Variants in HDX observed in about 807,000 individuals in gnomAD.
HDX encodes chromosome X open reading frame 43.
Under a neutral mutation model 45.2 loss-of-function variants are expected in HDX, and 19 were observed. The observed-to-expected ratio is 0.42, with a 90% confidence interval of 0.29 to 0.62. The LOEUF is 0.62. Ranked by LOEUF, HDX falls within the 20% of genes least tolerant of loss-of-function variation. The probability of loss-of-function intolerance (pLI) is 0.20; values close to 1 mark genes in which losing one functional copy is unlikely to be tolerated. For synonymous variants in HDX, 188 were observed against 172.8 expected (o/e 1.09, Z -0.69); for missense variants, 532 against 493.9 (o/e 1.08, Z -0.73).
chrX:84,374,631 C>G (rs375308206), intron 5 of HDX, among the ~76,000 whole-genome samples: 1 of 105,004 alleles, frequency 9.5e-6, no homozygotes, highest in Non-Finnish European at 1.9e-5. Flanking sequence ...CTGAGAAAAA[C>G]AAGCAATGGG....
chrX:84,419,484 A>G (rs2039197353), intron 5 of HDX, among the ~76,000 whole-genome samples: 1 of 111,980 alleles, frequency 8.9e-6, no homozygotes, highest in African/African-American at 3.2e-5. Flanking sequence ...GAAGAACTGC[A>G]TCTTGGTGTC....
intron 6 of HDX, among the ~76,000 whole-genome samples, chrX:84,352,591 G>T (rs1334977823): frequency 9.0e-6 from 1 of 111,206 alleles, no homozygotes; most frequent in East Asian, 2.8e-4. Flanking sequence ...GGAACACTGG[G>T]TATTCATCCC....
At chrX:84,413,013 T>C (rs2039022738) in intron 5 of HDX, among the ~76,000 whole-genome samples, 1 of 111,907 alleles carries the variant, frequency 8.9e-6, no homozygotes, top group African/African-American at 3.2e-5. Flanking sequence ...TTTGGTTCTT[T>C]CTTAAAATGG....
At chrX:84,387,519 A>G (rs2038346592) in intron 5 of HDX, among the ~76,000 whole-genome samples, 1 of 112,093 alleles carries the variant, frequency 8.9e-6, no homozygotes, top group African/African-American at 3.2e-5. Flanking sequence ...TGTTTGATCT[A>G]CATATATTTA....
intron 7 of HDX, among the ~76,000 whole-genome samples, chrX:84,342,821 T>A (rs2037117883): frequency 9.0e-6 from 1 of 110,787 alleles, no homozygotes; most frequent in African/African-American, 3.3e-5. Context: ...TCAGAAACCA[T>A]AAAGGAAAGT....
At chrX:84,356,476 T>G (rs2037486245) in intron 6 of HDX, among the ~76,000 whole-genome samples, 1 of 111,183 alleles carries the variant, frequency 9.0e-6, no homozygotes, top group Admixed American at 9.6e-5. Context: ...TTACGATCTT[T>G]GTGTAGGAAT....
chrX:84,494,466 G>A (rs905397155), intron 1 of HDX, among the ~76,000 whole-genome samples: 2 of 111,832 alleles, frequency 1.8e-5, no homozygotes, highest in Admixed American at 1.9e-4. Context: ...CATACACAAA[G>A]AGATAGACTA....
At chrX:84,444,516 AAGAT>A (rs1238199560) in intron 4 of HDX, among the ~76,000 whole-genome samples, 4 of 110,950 alleles carry the variant, frequency 3.6e-5, no homozygotes, top group African/African-American at 1.3e-4. Context: ...CCTTATGTGT[AAGAT>A]AGAAGAGAAC....
At chrX:84,364,073 G>A (rs188466556) in intron 5 of HDX, among the ~76,000 whole-genome samples, 16 of 111,825 alleles carry the variant, frequency 1.4e-4, no homozygotes, top group East Asian at 5.6e-4. Flanking sequence ...ACTTCTAAGA[G>A]TTTGGTTCTT....
intron 1 of HDX, among the ~76,000 whole-genome samples, chrX:84,488,678 C>T (rs1261300760): frequency 9.0e-6 from 1 of 110,989 alleles, no homozygotes; most frequent in African/African-American, 3.3e-5. Flanking sequence ...GTGTATACTC[C>T]TTTGAGCAAT....
intron 5 of HDX, among the ~76,000 whole-genome samples, chrX:84,383,462 T>C (rs1300923444): frequency 2.7e-5 from 3 of 111,750 alleles, no homozygotes; most frequent in African/African-American, 9.7e-5. Flanking sequence ...TATTGTCATT[T>C]TATATTAATG....
At chrX:84,420,879 C>A (rs778599391) in intron 5 of HDX, among the ~76,000 whole-genome samples, 1 of 111,554 alleles carries the variant, frequency 9.0e-6, no homozygotes, top group Non-Finnish European at 1.9e-5. Context: ...AACAAACAAA[C>A]AACAACAACA....
chrX:84,366,888 T>C (rs1388204243), intron 5 of HDX, among the ~76,000 whole-genome samples: 1 of 111,805 alleles, frequency 8.9e-6, no homozygotes, highest in Non-Finnish European at 1.9e-5. Flanking sequence ...CCTGAAACCA[T>C]AAAAACTACA....
At chrX:84,367,946 C>T (rs181702884) in intron 5 of HDX, among the ~76,000 whole-genome samples, 2 of 111,575 alleles carry the variant, frequency 1.8e-5, no homozygotes. Flanking sequence ...ATGTGTATAC[C>T]TATGTAACAA....
chrX:84,359,039 C>G (rs1328127063), intron 6 of HDX, among the ~76,000 whole-genome samples: 1 of 108,353 alleles, frequency 9.2e-6, no homozygotes, highest in Non-Finnish European at 1.9e-5. Context: ...CGGAAATCAG[C>G]AAATACTATT....
intron 4 of HDX, among the ~76,000 whole-genome samples, chrX:84,464,050 C>A (rs777331955): frequency 9.0e-6 from 1 of 111,174 alleles, no homozygotes; most frequent in South Asian, 3.8e-4. Context: ...AGAAAAGAGG[C>A]AGCTATCTCT....
chrX:84,392,749 C>T (rs538174333), intron 5 of HDX, among the ~76,000 whole-genome samples: 229 of 109,033 alleles, frequency 2.1e-3, no homozygotes, highest in South Asian at 0.012. Flanking sequence ...TACTGACTTT[C>T]GTATCCTGAT....
At chrX:84,337,927 C>T (rs1449763793) in intron 7 of HDX, among the ~76,000 whole-genome samples, 1 of 111,128 alleles carries the variant, frequency 9.0e-6, no homozygotes, top group Non-Finnish European at 1.9e-5. Context: ...TTACCCTCCA[C>T]CAGCCCCTTA....
At chrX:84,375,064 C>A (rs1335213814) in intron 5 of HDX, among the ~76,000 whole-genome samples, 32 of 103,333 alleles carry the variant, frequency 3.1e-4, no homozygotes, top group African/African-American at 1.2e-3. Context: ...AACAAACAAC[C>A]CCATCAAAAA....
Sources: allele counts gnomAD v4.1 joint callset (sites outside exome capture counted in the v4.1 genomes callset), GRCh38; gene constraint gnomAD v4.1.1; transcripts MANE v1.5; gene names NCBI Gene and HGNC (gene_info 2026-07-23, HGNC 2026-07-21).